ARFGEF2: variants seen among roughly 807,000 people sequenced by gnomAD.
ARFGEF2 encodes the protein brefeldin A-inhibited guanine nucleotide-exchange protein 2.
A neutral mutation model predicts 219.9 loss-of-function variants in ARFGEF2; 74 were observed. The ratio of observed to expected loss-of-function variants is 0.34; its 90% CI spans 0.28 to 0.41. The LOEUF (loss-of-function observed/expected upper bound fraction) is 0.41, where lower values mean the gene tolerates loss of function less well. ARFGEF2 is among the 10% of genes least tolerant of loss of function. The probability of loss-of-function intolerance (pLI) is 1.00; values close to 1 mark genes in which losing one functional copy is unlikely to be tolerated. For synonymous variants in ARFGEF2, 733 were observed against 799.2 expected, an observed-to-expected ratio of 0.92 and a Z score of 1.40; for missense variants, 1,743 against 2,218.3, an observed-to-expected ratio of 0.79 and a Z score of 4.30.
intron 34 of ARFGEF2, among the ~76,000 whole-genome samples, chr20:49,022,442 C>T (rs3092359): frequency 8.4e-6 from 1 of 118,550 alleles, no homozygotes. Context: ...AAAAAAAAAA[C>T]CCACAAGCTT....
intron 1 of ARFGEF2, among the ~76,000 whole-genome samples, chr20:48,937,876 G>A (rs1371759423): frequency 6.6e-6 from 1 of 152,178 alleles, no homozygotes; most frequent in Non-Finnish European, 1.5e-5. Flanking sequence ...ATTTCAGAAG[G>A]CTTGTAAACT....
intron 1 of ARFGEF2, among the ~76,000 whole-genome samples, chr20:48,940,242 T>C (rs1217038813): frequency 6.6e-6 from 1 of 152,208 alleles, no homozygotes; most frequent in African/African-American, 2.4e-5. Flanking sequence ...TTCAAAAAAG[T>C]CACACGTGCC....
chr20:49,013,745 G>A, intron 29 of ARFGEF2, 51 bp downstream of exon 29: 1 of 1,614,032 alleles, frequency 6.2e-7, no homozygotes, highest in Non-Finnish European at 8.5e-7. Flanking sequence ...ATGAACCTCA[G>A]TCACTTGCTC....
Position 48,988,499 on chromosome 20 carries a change from T to C in ARFGEF2, c.2370T>C (p.Asn790=), listed in dbSNP as rs148252934. 6.2e-7 allele frequency: 1 copy of C among 1,612,580 alleles called. No individual in the cohort carries two copies. Among genetic ancestry groups the C allele is most frequent in the Non-Finnish European group, 8.5e-7 (1 of 1,179,186 alleles). ...TTDLHSPQVK[N]KMTKEQYIKM... Reference sequence around the variant, plus strand: ...ATTTTTTTTAATTACAGGTAAAAAATAAAATGACGAAAGAGCAGTATATTA... The same window carrying C: ...ATTTTTTTTAATTACAGGTAAAAAACAAAATGACGAAAGAGCAGTATATTA... Residue 790 remains asparagine (N), a synonymous_variant, in exon 18 of 39, where the codon AAT becomes AAC. Transcript: ENST00000371917.
chr20:48,955,019 A>G (rs1460506869), intron 6 of ARFGEF2, among the ~76,000 whole-genome samples: 1 of 152,232 alleles, frequency 6.6e-6, no homozygotes, highest in Non-Finnish European at 1.5e-5. Context: ...TCTGACCTGC[A>G]TAAAAGTGCT....
In ARFGEF2 at chr20:49,017,384, ATGTGTAAG is replaced by A; in HGVS notation, c.4454+1_4454+8del. The A allele has an allele frequency of 6.2e-7, 1 of 1,614,020 alleles. No individual in the cohort carries two copies. The highest frequency in any genetic ancestry group is 8.5e-7 in the Non-Finnish European group (1 of 1,179,982). On this transcript the variant is annotated splice_donor_variant and splice_donor_5th_base_variant and coding_sequence_variant and intron_variant, in exon 32 of 39. Coordinates refer to ENST00000371917, the MANE Select transcript of ARFGEF2 (RefSeq NM_006420.3). LOFTEE classifies it high-confidence loss of function. ...GATATTTTCAAAACAACCATCCCAC[ATGTGTAAG>A]TGTTCATGCAGTTGTTCCCGTTTAT...
At chr20:49,022,950 T>TA in intron 34 of ARFGEF2, 101 bp from the exon 35 acceptor site, 3 of 1,519,150 alleles carry the variant, frequency 2.0e-6, no homozygotes, top group African/African-American at 1.4e-5. Context: ...CCCCATCTCT[T>TA]AAAAAAATAA....
chr20:48,940,100 G>A (rs573077550), intron 1 of ARFGEF2, among the ~76,000 whole-genome samples: 131 of 152,150 alleles, frequency 8.6e-4, no homozygotes, highest in Non-Finnish European at 1.7e-3. Flanking sequence ...TTGTTTTAAT[G>A]GTACGAAACC....
intron 20 of ARFGEF2, among the ~76,000 whole-genome samples, chr20:48,990,090 A>G (rs1347364241): frequency 1.3e-5 from 2 of 152,150 alleles, no homozygotes; most frequent in Admixed American, 1.3e-4. Flanking sequence ...GAGGCAGGAG[A>G]CCGGCTTGAA....
At chr20:49,022,778 A>G (rs191012178) in intron 34 of ARFGEF2, among the ~76,000 whole-genome samples, 1 of 151,644 alleles carries the variant, frequency 6.6e-6, no homozygotes, top group Non-Finnish European at 1.5e-5. Flanking sequence ...GGGAGCAGAG[A>G]TTTTTTTTTG....
At chr20:48,988,271 A>T in intron 16 of ARFGEF2, 33 bp from the exon 17 acceptor site, 2 of 1,536,116 alleles carry the variant, frequency 1.3e-6, no homozygotes, top group Non-Finnish European at 1.8e-6. Flanking sequence ...CCGCATCACC[A>T]TGAATATTGA....
At chr20:48,961,536 C>G (rs533112012) in intron 6 of ARFGEF2, among the ~76,000 whole-genome samples, 117 of 152,010 alleles carry the variant, frequency 7.7e-4, no homozygotes, top group African/African-American at 2.6e-3. Context: ...CTAACTTTTT[C>G]TTTTTTAAAT....
At chr20:48,925,971 G>A (rs925705314) in intron 1 of ARFGEF2, among the ~76,000 whole-genome samples, 3 of 152,192 alleles carry the variant, frequency 2.0e-5, no homozygotes, top group African/African-American at 4.8e-5. Context: ...AAGATCACAT[G>A]TTGTATTATA....
At chr20:48,972,531 C>T in intron 11 of ARFGEF2, 106 bp downstream of exon 11, 1 of 904,668 alleles carries the variant, frequency 1.1e-6, no homozygotes, top group Non-Finnish European at 1.8e-6. Flanking sequence ...AAAGGATTGG[C>T]AATAAAAGGC....
At chr20:48,967,413 A>T (rs1298925444) in intron 8 of ARFGEF2, among the ~76,000 whole-genome samples, 3 of 152,216 alleles carry the variant, frequency 2.0e-5, no homozygotes, top group African/African-American at 7.2e-5. Flanking sequence ...ATCCTTATAG[A>T]TAACTCTTAA....
intron 14 of ARFGEF2, among the ~76,000 whole-genome samples, chr20:48,983,952 G>T (rs1018666388): frequency 6.6e-6 from 1 of 151,794 alleles, no homozygotes; most frequent in Non-Finnish European, 1.5e-5. Context: ...GGTGGCTCAT[G>T]CCCGTTATCC....
At chr20:49,001,567 G>A (rs2091425474) in intron 25 of ARFGEF2, among the ~76,000 whole-genome samples, 1 of 152,190 alleles carries the variant, frequency 6.6e-6, no homozygotes, top group African/African-American at 2.4e-5. Context: ...ACTAAGCATG[G>A]TGTGTATGCC....
Position 48,941,973 on chromosome 20 carries a change from C to G in ARFGEF2, c.262C>G (p.Leu88Val), listed in dbSNP as rs867461721. 10 of 1,614,172 alleles carry G rather than the reference C, an allele frequency of 6.2e-6. No homozygotes were observed. The highest frequency in any genetic ancestry group is 8.5e-6 in the Non-Finnish European group (10 of 1,180,020). The change falls in exon 3 of 39, where the codon CTT (leucine) becomes GTT (valine). Residue 88 changes from leucine to valine, a missense_variant. Physicochemically the swap from Leu to Val is conservative, Grantham distance 32. Coordinates refer to ENST00000371917, the MANE Select transcript of ARFGEF2 (RefSeq NM_006420.3). ...SKSPRVVSTSLDCLQKLIAYG... is the reference protein window; with the variant it reads ...SKSPRVVSTSVDCLQKLIAYG... ...GTCCCCAAGGGTAGTCAGCACATCC[C>G]TTGACTGCTTGCAGGTACCATGTTT...
intron 1 of ARFGEF2, among the ~76,000 whole-genome samples, chr20:48,936,797 G>A (rs2090961204): frequency 2.6e-5 from 4 of 152,172 alleles, no homozygotes; most frequent in African/African-American, 9.7e-5. Flanking sequence ...AAAGTGCTGG[G>A]ATTACAGGCA....
Sources: allele counts gnomAD v4.1 joint callset (sites outside exome capture counted in the v4.1 genomes callset), GRCh38; gene constraint gnomAD v4.1.1; transcripts MANE v1.5; gene names NCBI Gene and HGNC (gene_info 2026-07-23, HGNC 2026-07-21).